The following CAMTA1 variants were observed in gnomAD, a reference collection of about 807,000 sequenced individuals.
CAMTA1 encodes calmodulin-binding transcription activator 1.
Under a neutral mutation model 170.9 loss-of-function variants are expected in CAMTA1, and 27 were observed. The ratio of observed to expected loss-of-function variants is 0.16; its 90% CI spans 0.12 to 0.22. The LOEUF is 0.22. Ranked by LOEUF, CAMTA1 falls within the 10% of genes least tolerant of loss-of-function variation. CAMTA1 has a pLI of 1.00. For missense variants in CAMTA1, 1,619 were observed against 2,217.2 expected, an observed-to-expected ratio of 0.73 and a Z score of 5.42; for synonymous variants, 833 against 891.5, an observed-to-expected ratio of 0.93 and a Z score of 1.17.
intron 3 of CAMTA1, among the ~76,000 whole-genome samples, chr1:6,930,599 C>G (rs1265781254): frequency 6.6e-6 from 1 of 152,218 alleles, no homozygotes; most frequent in Non-Finnish European, 1.5e-5. Context: ...CCCCAGCTCT[C>G]TGTACCCCTG....
chr1:7,331,514 G>A (rs188807239), intron 5 of CAMTA1, among the ~76,000 whole-genome samples: 1 of 152,328 alleles, frequency 6.6e-6, no homozygotes, highest in Admixed American at 6.5e-5. Context: ...GAATACACAA[G>A]CACTGCACAT....
intron 4 of CAMTA1, among the ~76,000 whole-genome samples, chr1:7,209,578 G>A (rs1341330114): frequency 3.3e-5 from 5 of 152,130 alleles, no homozygotes; most frequent in Non-Finnish European, 5.9e-5. Context: ...CAATCTGTTG[G>A]AATTGGCCAG....
rs34109968 is a variant in CAMTA1 at position 7,547,701 on chromosome 1, ATT to A, written c.510+79813_510+79814del. Among the ~76,000 whole-genome samples, 139 of 147,808 alleles carry A rather than the reference ATT, an allele frequency of 9.4e-4. No individual in the cohort carries two copies. Among genetic ancestry groups the A allele is most frequent in the African/African-American group, 1.6e-3 (66 of 40,376 alleles). On this transcript the variant is annotated intron_variant, in intron 6 of 22. Transcript: ENST00000303635. The surrounding 1 kb of genome is among the most constrained non-coding windows in gnomAD (Gnocchi z 5.7). ...TAAAACATTATGAGACTTTTTTGCA[ATT>A]TTTTTTTTTTTTAGCTCATCAGCTA...
chr1:7,677,574 C>T (rs1293265710), intron 10 of CAMTA1, 25 bp from the exon 11 acceptor site: 1 of 1,609,250 alleles, frequency 6.2e-7, no homozygotes, highest in African/African-American at 1.3e-5. Context: ...CATCCCTTGA[C>T]CTGGTCTTTT....
At position 7,350,868 on chromosome 1, in the gene CAMTA1, C is replaced by T. The variant is rs189874064; in HGVS notation, c.438+101242C>T. ...ACATTCTGCCAGGATCCTTTTAACTCCCGTAGGGGATGAGAAGGGAGTTGC... is the reference window on the plus strand; with the variant it reads ...ACATTCTGCCAGGATCCTTTTAACTTCCGTAGGGGATGAGAAGGGAGTTGC... On this transcript the variant is annotated intron_variant, in intron 5 of 22. Coordinates refer to ENST00000303635, the MANE Select transcript of CAMTA1 (RefSeq NM_015215.4). 6.6e-5 allele frequency among the ~76,000 whole-genome samples: 10 copies of T among 152,334 alleles called. No homozygotes were observed. In the East Asian group the frequency reaches 1.5e-3, roughly 24 times the overall value.
intron 3 of CAMTA1, among the ~76,000 whole-genome samples, chr1:6,958,948 A>G (rs1376773353): frequency 6.6e-6 from 1 of 152,222 alleles, no homozygotes; most frequent in East Asian, 1.9e-4. Flanking sequence ...AGTTCAAAGC[A>G]GTACTTGATA....
At chr1:7,581,833 G>A (rs1024258060) in intron 6 of CAMTA1, among the ~76,000 whole-genome samples, 13 of 152,326 alleles carry the variant, frequency 8.5e-5, no homozygotes, top group African/African-American at 2.4e-4. Context: ...CTGTACTGAG[G>A]GGCTTTGAGC....
chr1:7,269,305 G>A (rs1367696756), intron 5 of CAMTA1, among the ~76,000 whole-genome samples: 2 of 152,246 alleles, frequency 1.3e-5, no homozygotes, highest in Non-Finnish European at 2.9e-5. Flanking sequence ...GTTGGGCACA[G>A]GCCACCTTTG....
At chr1:7,155,004 C>A (rs1646780682) in intron 4 of CAMTA1, among the ~76,000 whole-genome samples, 1 of 152,186 alleles carries the variant, frequency 6.6e-6, no homozygotes, top group South Asian at 2.1e-4. Context: ...GCAGAACATC[C>A]CCTGACCAGT....
At chr1:7,355,885 T>G (rs529830474) in intron 5 of CAMTA1, among the ~76,000 whole-genome samples, 6 of 152,340 alleles carry the variant, frequency 3.9e-5, no homozygotes, top group African/African-American at 1.4e-4. Context: ...TGCTTTTCCC[T>G]CTGAATACTC....
chr1:7,563,212 G>A (rs2094984218), intron 6 of CAMTA1, among the ~76,000 whole-genome samples: 1 of 152,224 alleles, frequency 6.6e-6, no homozygotes, highest in Admixed American at 6.5e-5. Flanking sequence ...CACACATGGG[G>A]GCAAGCGGCC....
At chr1:7,170,188 C>T (rs1192817785) in intron 4 of CAMTA1, among the ~76,000 whole-genome samples, 3 of 151,990 alleles carry the variant, frequency 2.0e-5, no homozygotes, top group East Asian at 1.9e-4. Context: ...TATGTTTTAG[C>T]GTATGTTCCA....
intron 11 of CAMTA1, among the ~76,000 whole-genome samples, chr1:7,705,582 G>T (rs2096511241): frequency 6.6e-6 from 1 of 151,546 alleles, no homozygotes; most frequent in Admixed American, 6.6e-5. Context: ...CGAGTGTGTT[G>T]GGGCGCTCGG....
rs2095770053 is a variant in CAMTA1 at position 7,642,399 on chromosome 1, G to C, written c.664+1846G>C. 6.6e-6 allele frequency among the ~76,000 whole-genome samples: 1 copy of C among 152,192 alleles called. No homozygotes were observed. Among genetic ancestry groups the C allele is most frequent in the Non-Finnish European group, 1.5e-5 (1 of 68,024 alleles). ...AAGCTGCAGTGTCCTGGCTCTGGGA[G>C]CCGGGGCTGCTGAGTGGCACTTTCC... On this transcript the variant is annotated intron_variant, in intron 7 of 22. Transcript: ENST00000303635. This position sits in a 1 kb window ranked among gnomAD's most constrained non-coding sequence, Gnocchi z 6.3.
intron 5 of CAMTA1, among the ~76,000 whole-genome samples, chr1:7,288,377 C>A (rs1345245367): frequency 6.6e-6 from 1 of 152,216 alleles, no homozygotes; most frequent in African/African-American, 2.4e-5. Flanking sequence ...ATCTCCTCAA[C>A]TAGACTTGAA....
At chr1:6,905,102 G>C (rs567824247) in intron 3 of CAMTA1, among the ~76,000 whole-genome samples, 2 of 149,756 alleles carry the variant, frequency 1.3e-5, no homozygotes, top group South Asian at 4.3e-4. Flanking sequence ...TGAACTTCAT[G>C]TTTTCTCCCA....
chr1:6,889,918 T>C (rs975745530), intron 3 of CAMTA1, among the ~76,000 whole-genome samples: 3 of 152,238 alleles, frequency 2.0e-5, no homozygotes, highest in African/African-American at 7.2e-5. Flanking sequence ...TTTGTAGAAT[T>C]AAATTGAAAA....
In CAMTA1 at chr1:7,399,317, T is replaced by C. The variant is rs567515484; in HGVS notation, c.439-68513T>C. Reference sequence around the variant, plus strand: ...TCTTTGCACATTCCTGCTTCCATTTTCCTTCCTGCCATGAGTGGAAGCAGC... The same window carrying C: ...TCTTTGCACATTCCTGCTTCCATTTCCCTTCCTGCCATGAGTGGAAGCAGC... On this transcript the variant is annotated intron_variant, in intron 5 of 22. Transcript: ENST00000303635. 3.3e-5 allele frequency among the ~76,000 whole-genome samples: 5 copies of C among 152,308 alleles called. No homozygotes were observed. In the South Asian group the frequency reaches 1.0e-3, roughly 32 times the overall value.
chr1:7,509,031 G>A (rs1308268507), intron 6 of CAMTA1, among the ~76,000 whole-genome samples: 3 of 152,142 alleles, frequency 2.0e-5, no homozygotes, highest in African/African-American at 7.2e-5. Context: ...CCCTTCCCGG[G>A]TCTGTCCTGG....
Sources: gnomAD v4.1 joint callset for allele counts (sites outside exome capture counted in the v4.1 genomes callset) on GRCh38, gnomAD v4.1.1 for gene constraint, Gnocchi (gnomAD v3.1) non-coding constraint, MANE v1.5 for transcripts, NCBI Gene and HGNC (gene_info 2026-07-23, HGNC 2026-07-21) for gene names.